The following CAMK1D variants were observed in gnomAD, a reference collection of about 807,000 sequenced individuals.
The protein encoded by CAMK1D is calcium/calmodulin-dependent protein kinase type 1D.
CAMK1D carries 9 observed loss-of-function variants against 47.7 expected under a neutral mutation model. That is an observed-to-expected ratio of 0.19 (90% CI 0.11 to 0.33). The LOEUF (loss-of-function observed/expected upper bound fraction) is 0.33. Among genes scored for constraint, CAMK1D ranks in the 10% least tolerant of loss-of-function variants. The probability of loss-of-function intolerance (pLI) is 1.00; values close to 1 mark genes in which losing one functional copy is unlikely to be tolerated. For synonymous variants in CAMK1D, 184 were observed against 184.9 expected, an observed-to-expected ratio of 0.99 and a Z score of 0.04; for missense variants, 291 against 488.7, an observed-to-expected ratio of 0.60 and a Z score of 3.81.
At chr10:12,674,554 T>C (rs1024983886) in intron 3 of CAMK1D, among the ~76,000 whole-genome samples, 3 of 151,276 alleles carry the variant, frequency 2.0e-5, no homozygotes, top group Non-Finnish European at 4.4e-5. Flanking sequence ...CTTAATTGTT[T>C]CCAGGAGTCT....
intron 3 of CAMK1D, among the ~76,000 whole-genome samples, chr10:12,676,208 C>G (rs1243330650): frequency 6.6e-6 from 1 of 152,204 alleles, no homozygotes; most frequent in African/African-American, 2.4e-5. Flanking sequence ...CTTGCCTCTA[C>G]CTCCCAGAGT....
At chr10:12,763,714 G>A (rs576407555) in intron 4 of CAMK1D, among the ~76,000 whole-genome samples, 1 of 152,328 alleles carries the variant, frequency 6.6e-6, no homozygotes, top group South Asian at 2.1e-4. Flanking sequence ...GTAGGAATGT[G>A]ATTATGGATA....
chr10:12,825,173 T>G (rs201106373), intron 9 of CAMK1D, among the ~76,000 whole-genome samples: 10 of 258 alleles, frequency 0.039, no homozygotes, highest in Non-Finnish European at 0.055. Context: ...AAATTGCCAT[T>G]ACTTTTGCAC....
chr10:12,511,822 A>G (rs1322246644), intron 1 of CAMK1D, among the ~76,000 whole-genome samples: 1 of 152,206 alleles, frequency 6.6e-6, no homozygotes, highest in Non-Finnish European at 1.5e-5. Context: ...TTTCCACTAC[A>G]GTGATCATGA....
At chr10:12,457,911 G>A (rs2132046855) in intron 1 of CAMK1D, among the ~76,000 whole-genome samples, 1 of 152,302 alleles carries the variant, frequency 6.6e-6, no homozygotes, top group South Asian at 2.1e-4. Flanking sequence ...AGGCACAGGG[G>A]AAGGGAGTGA....
chr10:12,803,782 T>C (rs1475166835), intron 6 of CAMK1D, among the ~76,000 whole-genome samples: 2 of 152,228 alleles, frequency 1.3e-5, no homozygotes, highest in African/African-American at 4.8e-5. Context: ...TGGGACTCAC[T>C]TTCCCTGTCT....
intron 2 of CAMK1D, among the ~76,000 whole-genome samples, chr10:12,615,678 T>C (rs1838771353): frequency 6.8e-6 from 1 of 147,182 alleles, no homozygotes; most frequent in Non-Finnish European, 1.5e-5. Context: ...TGTATTTGTG[T>C]ATAGGTGTGT....
At chr10:12,719,291 C>A (rs373736870) in intron 3 of CAMK1D, among the ~76,000 whole-genome samples, 34 of 152,060 alleles carry the variant, frequency 2.2e-4, no homozygotes, top group African/African-American at 8.2e-4. Context: ...CCTGTAATCC[C>A]AGCTACTTGG....
intron 3 of CAMK1D, among the ~76,000 whole-genome samples, chr10:12,691,914 A>G (rs1018046415): frequency 1.3e-5 from 2 of 152,128 alleles, no homozygotes; most frequent in African/African-American, 4.8e-5. Context: ...ATTACATCCT[A>G]TGGTATAAAT....
chr10:12,377,869 T>A (rs1838228408), intron 1 of CAMK1D, among the ~76,000 whole-genome samples: 1 of 152,262 alleles, frequency 6.6e-6, no homozygotes, highest in Non-Finnish European at 1.5e-5. Flanking sequence ...ATGTGCAAGA[T>A]GACCTTTTCA....
chr10:12,479,209 T>C (rs149179685), intron 1 of CAMK1D, among the ~76,000 whole-genome samples: 3,114 of 151,952 alleles, frequency 0.02, 67 homozygotes, highest in East Asian at 0.08. Flanking sequence ...TTTTTTCTTT[T>C]TTTTGAGACG....
chr10:12,815,135 C>A (rs1278626210), intron 7 of CAMK1D, among the ~76,000 whole-genome samples: 5 of 152,198 alleles, frequency 3.3e-5, no homozygotes, highest in Non-Finnish European at 7.3e-5. Flanking sequence ...AATCATACAA[C>A]TAGTAAGGGG....
chr10:12,433,679 A>G (rs1832550556), intron 1 of CAMK1D, among the ~76,000 whole-genome samples: 2 of 152,252 alleles, frequency 1.3e-5, no homozygotes, highest in Non-Finnish European at 2.9e-5. Context: ...ATGGAAAACC[A>G]TAGAAAAGAA....
intron 1 of CAMK1D, among the ~76,000 whole-genome samples, chr10:12,414,538 C>T (rs1183973209): frequency 1.3e-5 from 2 of 152,122 alleles, no homozygotes; most frequent in African/African-American, 4.8e-5. Context: ...TTTGTACAAG[C>T]ATTTTGCATT....
intron 2 of CAMK1D, among the ~76,000 whole-genome samples, chr10:12,566,340 G>A (rs1837123489): frequency 6.6e-6 from 1 of 152,116 alleles, no homozygotes; most frequent in Non-Finnish European, 1.5e-5. Flanking sequence ...GGAGACAGAG[G>A]CAGCAGCGAT....
chr10:12,781,644 C>T (rs999869205), intron 5 of CAMK1D, among the ~76,000 whole-genome samples: 9 of 110,102 alleles, frequency 8.2e-5, no homozygotes, highest in African/African-American at 2.2e-4. Flanking sequence ...TGCTCTTTGG[C>T]GATACTTTTT....
chr10:12,721,765 G>A (rs1022374202), intron 3 of CAMK1D, among the ~76,000 whole-genome samples: 4 of 152,132 alleles, frequency 2.6e-5, no homozygotes, highest in African/African-American at 9.7e-5. Flanking sequence ...AATGACTAGG[G>A]GGAGATTAGG....
chr10:12,399,512 A>G (rs1258342948), intron 1 of CAMK1D, among the ~76,000 whole-genome samples: 1 of 152,068 alleles, frequency 6.6e-6, no homozygotes, highest in East Asian at 1.9e-4. Context: ...TGAAAAAAAA[A>G]AAAGAAGTTG....
intron 1 of CAMK1D, among the ~76,000 whole-genome samples, chr10:12,506,708 C>G (rs111225938): frequency 6.6e-6 from 1 of 152,002 alleles, no homozygotes; most frequent in Non-Finnish European, 1.5e-5. Flanking sequence ...GTAGTAGAGA[C>G]GGGGTTTCAC....
Sources: gnomAD v4.1 joint callset for allele counts (sites outside exome capture counted in the v4.1 genomes callset) on GRCh38, gnomAD v4.1.1 for gene constraint, MANE v1.5 for transcripts, NCBI Gene and HGNC (gene_info 2026-07-23, HGNC 2026-07-21) for gene names.